Variants in MYO16 observed in about 807,000 individuals in gnomAD.
MYO16 encodes unconventional myosin-XVI.
MYO16 carries 94 observed loss-of-function variants against 205.3 expected under a neutral mutation model. The ratio of observed to expected loss-of-function variants is 0.46; its 90% CI spans 0.39 to 0.54. The LOEUF (loss-of-function observed/expected upper bound fraction) is 0.54. Among genes scored for constraint, MYO16 ranks in the 20% least tolerant of loss-of-function variants. The pLI is 0.00. For missense variants in MYO16, 2,315 were observed against 2,387.5 expected (o/e 0.97, Z 0.63); for synonymous variants, 988 against 954.0 (o/e 1.04, Z -0.66).
intron 34 of MYO16, among the ~76,000 whole-genome samples, chr13:109,189,674 A>G (rs1879829008): frequency 6.6e-6 from 1 of 152,212 alleles, no homozygotes; most frequent in Non-Finnish European, 1.5e-5. Context: ...ACAGTCATAC[A>G]GGGAAAAAAT....
chr13:108,912,214 A>C (rs532533754), intron 16 of MYO16, among the ~76,000 whole-genome samples: 1 of 152,256 alleles, frequency 6.6e-6, no homozygotes, highest in South Asian at 2.1e-4. Context: ...GAAGAGAATG[A>C]ATTGGCCTAA....
chr13:108,527,942 G>A, the MYO16 span, among the ~76,000 whole-genome samples: 1 of 152,124 alleles, frequency 6.6e-6, no homozygotes, highest in Admixed American at 6.6e-5. Flanking sequence ...TGTGCCCCTT[G>A]CTTTATGATC....
intron 11 of MYO16, among the ~76,000 whole-genome samples, chr13:108,862,953 A>G (rs766589779): frequency 6.6e-6 from 1 of 152,136 alleles, no homozygotes; most frequent in Non-Finnish European, 1.5e-5. Context: ...TGAGGACATA[A>G]TAAATGTTTG....
the MYO16 span, among the ~76,000 whole-genome samples, chr13:108,582,896 T>G: frequency 6.6e-6 from 1 of 152,190 alleles, no homozygotes. Flanking sequence ...CTCTTAGGAT[T>G]ATAAGGTCAT....
chr13:108,909,304 AC>A (rs1379471391), intron 15 of MYO16, among the ~76,000 whole-genome samples: 1 of 151,996 alleles, frequency 6.6e-6, no homozygotes, highest in African/African-American at 2.4e-5. Context: ...AGTTTTGAAA[AC>A]AGAGGACTAA....
At chr13:108,957,259 C>G (rs1014127139) in intron 16 of MYO16, among the ~76,000 whole-genome samples, 4 of 151,530 alleles carry the variant, frequency 2.6e-5, no homozygotes, top group Non-Finnish European at 5.9e-5. Context: ...TGGCACGCAC[C>G]TGTAATCCCA....
chr13:108,985,069 C>T (rs768302556), intron 20 of MYO16, among the ~76,000 whole-genome samples: 21 of 152,102 alleles, frequency 1.4e-4, no homozygotes, highest in Non-Finnish European at 3.1e-4. Flanking sequence ...CACCTTTCTA[C>T]CAAAAGTTGT....
intron 20 of MYO16, among the ~76,000 whole-genome samples, chr13:108,976,032 A>C (rs1400605444): frequency 1.3e-5 from 2 of 152,194 alleles, no homozygotes; most frequent in African/African-American, 4.8e-5. Flanking sequence ...AAGAGAGAAT[A>C]TGCAATGTTT....
At chr13:108,560,055 T>C in the MYO16 span, among the ~76,000 whole-genome samples, 61 of 152,310 alleles carry the variant, frequency 4.0e-4, no homozygotes, top group African/African-American at 1.4e-3. Flanking sequence ...CTTTAGGGCT[T>C]TTAGAAAATG....
chr13:108,694,637 C>A (rs1159751910), intron 2 of MYO16, among the ~76,000 whole-genome samples: 1 of 152,136 alleles, frequency 6.6e-6, no homozygotes, highest in African/African-American at 2.4e-5. Flanking sequence ...ATATGCTTTG[C>A]AAATATTTTA....
chr13:109,008,137 C>A (rs1237055524), intron 21 of MYO16, among the ~76,000 whole-genome samples: 6 of 152,206 alleles, frequency 3.9e-5, no homozygotes, highest in Non-Finnish European at 4.4e-5. Flanking sequence ...GAAATATGTG[C>A]AAGTCCATTC....
chr13:108,860,302 C>T (rs142435899), intron 11 of MYO16, among the ~76,000 whole-genome samples: 29 of 150,950 alleles, frequency 1.9e-4, no homozygotes, highest in Middle Eastern at 6.8e-3. Context: ...AGGATAATAG[C>T]CTCCAGCTCC....
intron 4 of MYO16, among the ~76,000 whole-genome samples, chr13:108,757,506 T>A (rs1350461686): frequency 1.3e-5 from 2 of 152,164 alleles, no homozygotes; most frequent in Non-Finnish European, 2.9e-5. Flanking sequence ...TACTTTAAGT[T>A]TTAGGGTACA....
At chr13:109,168,352 G>A (rs1443966875) in intron 33 of MYO16, among the ~76,000 whole-genome samples, 2 of 152,084 alleles carry the variant, frequency 1.3e-5, no homozygotes, top group African/African-American at 2.4e-5. Context: ...TAAATGTAAA[G>A]GGATAGAAAA....
intron 2 of MYO16, among the ~76,000 whole-genome samples, chr13:108,691,775 A>G (rs1882906289): frequency 6.6e-6 from 1 of 152,200 alleles, no homozygotes; most frequent in South Asian, 2.1e-4. Context: ...AGCTCAACCA[A>G]TTCTTTTGGG....
At chr13:108,532,832 T>A in the MYO16 span, among the ~76,000 whole-genome samples, 4 of 151,678 alleles carry the variant, frequency 2.6e-5, no homozygotes, top group Non-Finnish European at 5.9e-5. Flanking sequence ...TTAGAGAAGG[T>A]TTGTATATGA....
the MYO16 span, among the ~76,000 whole-genome samples, chr13:108,546,879 A>G: frequency 6.6e-6 from 1 of 152,166 alleles, no homozygotes; most frequent in Non-Finnish European, 1.5e-5. Flanking sequence ...AAATCATATG[A>G]GGTTGATAAG....
chr13:108,933,921 G>A (rs2139297612), intron 16 of MYO16, among the ~76,000 whole-genome samples: 1 of 152,222 alleles, frequency 6.6e-6, no homozygotes, highest in East Asian at 1.9e-4. Context: ...TTGCTGCAAA[G>A]GCCATGATTT....
intron 4 of MYO16, among the ~76,000 whole-genome samples, chr13:108,766,356 G>A (rs528183096): frequency 1.3e-5 from 2 of 152,252 alleles, no homozygotes; most frequent in Admixed American, 6.5e-5. Context: ...TAATTCCCTC[G>A]TTTATTTTCT....
Sources: gnomAD v4.1 joint callset for allele counts (sites outside exome capture counted in the v4.1 genomes callset) on GRCh38, gnomAD v4.1.1 for gene constraint, MANE v1.5 for transcripts, NCBI Gene and HGNC (gene_info 2026-07-23, HGNC 2026-07-21) for gene names.